GRIK2: variants seen among roughly 807,000 people sequenced by gnomAD.
GRIK2 encodes the protein glutamate receptor ionotropic, kainate 2.
A neutral mutation model predicts 100.3 loss-of-function variants in GRIK2; 32 were observed. The ratio of observed to expected loss-of-function variants is 0.32; its 90% CI spans 0.24 to 0.43. The LOEUF is 0.43. GRIK2 is among the 20% of genes least tolerant of loss of function. The probability of loss-of-function intolerance (pLI) is 1.00; values close to 1 mark genes in which losing one functional copy is unlikely to be tolerated. For synonymous variants in GRIK2, 417 were observed against 389.4 expected (o/e 1.07, Z -0.83); for missense variants, 843 against 1,114.9 (o/e 0.76, Z 3.47).
At chr6:101,998,804 T>C (rs1289030420) in intron 14 of GRIK2, among the ~76,000 whole-genome samples, 1 of 138,316 alleles carries the variant, frequency 7.2e-6, no homozygotes, top group South Asian at 2.5e-4. Context: ...GTTTTTCTTT[T>C]TTCTTTTCTT....
chr6:101,713,854 CTTCTA>C (rs1773882428), intron 7 of GRIK2, among the ~76,000 whole-genome samples: 2 of 151,726 alleles, frequency 1.3e-5, no homozygotes, highest in African/African-American at 2.4e-5. Flanking sequence ...GCCTTATCAT[CTTCTA>C]TTCTATAAAA....
chr6:101,988,118 T>C lies in GRIK2; in HGVS notation c.2086-47223T>C, dbSNP rs1334408380. Among the ~76,000 whole-genome samples, 26 of 45,814 alleles carry C rather than the reference T, an allele frequency of 5.7e-4. 1 individual carries two copies. The East Asian group carries it at 0.012, about 20-fold the overall frequency. The allele number at this position is 45,814 out of a possible 152,430, so 30.1% of individuals were successfully genotyped here. A position where few individuals can be genotyped will look rare whatever the true frequency, so the allele number is the denominator to read the frequency against. On this transcript the variant is annotated intron_variant, in intron 14 of 16. Coordinates refer to ENST00000369134, the MANE Select transcript of GRIK2 (RefSeq NM_021956.5). ...GTGTGTGTGTGTGTGTGTGTGTGTG[T>C]GTGTGTGTGTGTGTGCGCGCGCGCG...
At chr6:101,643,304 A>G (rs999651748) in intron 4 of GRIK2, among the ~76,000 whole-genome samples, 2 of 151,542 alleles carry the variant, frequency 1.3e-5, no homozygotes, top group Non-Finnish European at 3.0e-5. Context: ...ATCTAATGTC[A>G]TGAAGATTTT....
chr6:102,033,700 T>C (rs941424141), intron 14 of GRIK2, among the ~76,000 whole-genome samples: 1 of 151,330 alleles, frequency 6.6e-6, no homozygotes. Context: ...CTTTTCTATC[T>C]AAATATATTT....
intron 4 of GRIK2, among the ~76,000 whole-genome samples, chr6:101,663,425 A>G (rs879687008): frequency 2.0e-5 from 3 of 152,172 alleles, no homozygotes; most frequent in African/African-American, 7.2e-5. Context: ...TGAAGTGGCC[A>G]TCAGAATTGA....
chr6:101,857,413 T>C (rs750865030), intron 10 of GRIK2, among the ~76,000 whole-genome samples: 19 of 152,174 alleles, frequency 1.2e-4, no homozygotes, highest in Non-Finnish European at 1.5e-4. Context: ...TACAACTGTA[T>C]AGAGATAAGG....
intron 2 of GRIK2, among the ~76,000 whole-genome samples, chr6:101,531,894 G>A (rs535826385): frequency 1.3e-5 from 2 of 151,748 alleles, no homozygotes; most frequent in Non-Finnish European, 2.9e-5. Flanking sequence ...ACTGCTACTC[G>A]TTGATTCCAG....
intron 16 of GRIK2, chr6:102,065,849 CA>C: frequency 3.3e-6 from 5 of 1,492,678 alleles, no homozygotes; most frequent in Non-Finnish European, 4.5e-6. Flanking sequence ...ATTTTGGAGT[CA>C]GTTTCCATTT....
At chr6:101,545,098 G>T (rs1209847489) in intron 2 of GRIK2, among the ~76,000 whole-genome samples, 2 of 151,944 alleles carry the variant, frequency 1.3e-5, no homozygotes, top group Non-Finnish European at 2.9e-5. Context: ...CTCCTCTCTT[G>T]AACATTTAAG....
intron 7 of GRIK2, among the ~76,000 whole-genome samples, chr6:101,794,155 G>T (rs551182222): frequency 2.6e-5 from 4 of 152,192 alleles, no homozygotes; most frequent in African/African-American, 7.2e-5. Context: ...CTGACCCCTT[G>T]CGCTTCCTGA....
intron 2 of GRIK2, among the ~76,000 whole-genome samples, chr6:101,542,737 A>C (rs1441114918): frequency 6.6e-6 from 1 of 152,118 alleles, no homozygotes; most frequent in Non-Finnish European, 1.5e-5. Context: ...TGAGCGTGTA[A>C]GTGATGTCAC....
intron 14 of GRIK2, among the ~76,000 whole-genome samples, chr6:102,033,909 G>A (rs567236384): frequency 6.6e-6 from 1 of 151,448 alleles, no homozygotes; most frequent in Admixed American, 6.6e-5. Flanking sequence ...ATTTGTAAAG[G>A]ATACAGTAGC....
At chr6:101,610,942 A>G (rs1582822146) in intron 2 of GRIK2, among the ~76,000 whole-genome samples, 1 of 151,720 alleles carries the variant, frequency 6.6e-6, no homozygotes, top group African/African-American at 2.4e-5. Context: ...TGCCTTCCCA[A>G]TCAGTATGCA....
chr6:102,034,815 C>T (rs1273058494), intron 14 of GRIK2, among the ~76,000 whole-genome samples: 3 of 151,332 alleles, frequency 2.0e-5, no homozygotes, highest in African/African-American at 4.8e-5. Flanking sequence ...ACATTCTGCT[C>T]GTCTCTTCAA....
At chr6:101,733,916 T>G (rs1301871852) in intron 7 of GRIK2, among the ~76,000 whole-genome samples, 1 of 152,134 alleles carries the variant, frequency 6.6e-6, no homozygotes, top group Non-Finnish European at 1.5e-5. Flanking sequence ...CTCCAGTTTC[T>G]GATATGTCCT....
At chr6:102,004,922 G>T (rs1562103873) in intron 14 of GRIK2, among the ~76,000 whole-genome samples, 1 of 150,690 alleles carries the variant, frequency 6.6e-6, no homozygotes, top group African/African-American at 2.4e-5. Context: ...GCATTTCCAG[G>T]AAATTATTAA....
At position 101,690,083 on chromosome 6, in the gene GRIK2, AG is replaced by A. The variant is rs372797393; in HGVS notation, c.951+3732del. ...GATTTATTGAGTTTACAGCAATTTC[AG>A]GTAAAGACAAACACCTCAGAGTACA... is the stretch of plus-strand genomic sequence containing the variant. On this transcript the variant is annotated intron_variant, in intron 7 of 16. Coordinates refer to ENST00000369134, the MANE Select transcript of GRIK2 (RefSeq NM_021956.5). 4.5e-4 allele frequency among the ~76,000 whole-genome samples: 69 copies of A among 152,278 alleles called. 1 individual carries two copies. In the South Asian group the frequency reaches 0.014, roughly 31 times the overall value.
intron 10 of GRIK2, among the ~76,000 whole-genome samples, chr6:101,853,903 T>A (rs758981263): frequency 6.6e-6 from 1 of 152,166 alleles, no homozygotes; most frequent in Non-Finnish European, 1.5e-5. Flanking sequence ...CTAAAAAGAT[T>A]AACGGTTGCC....
intron 14 of GRIK2, among the ~76,000 whole-genome samples, chr6:102,032,701 T>G (rs1356005458): frequency 6.6e-6 from 1 of 151,356 alleles, no homozygotes; most frequent in African/African-American, 2.4e-5. Flanking sequence ...TTTGAGTTTT[T>G]GTTTTGTTGC....
Sources: gnomAD v4.1 joint callset for allele counts (sites outside exome capture counted in the v4.1 genomes callset) on GRCh38, gnomAD v4.1.1 for gene constraint, MANE v1.5 for transcripts, NCBI Gene and HGNC (gene_info 2026-07-23, HGNC 2026-07-21) for gene names.